The following TP53BP1 variants were observed in gnomAD, a reference collection of about 807,000 sequenced individuals.
TP53BP1 encodes tumor protein p53 binding protein 1, also known as TP53-binding protein 1.
Under a neutral mutation model 200.8 loss-of-function variants are expected in TP53BP1, and 61 were observed. The ratio of observed to expected loss-of-function variants is 0.30; its 90% CI spans 0.25 to 0.38. The LOEUF is 0.38. TP53BP1 is among the 10% of genes least tolerant of loss of function. The pLI is 1.00. For synonymous variants in TP53BP1, 822 were observed against 844.3 expected (o/e 0.97, Z 0.46); for missense variants, 2,144 against 2,371.9 (o/e 0.90, Z 2.00).
In TP53BP1 at chr15:43,435,693, A is replaced by ATT. The variant is rs11454328; in HGVS notation, c.3191+2629_3191+2630dup. On this transcript the variant is annotated intron_variant, in intron 16 of 27. Coordinates refer to ENST00000382044, the MANE Select transcript of TP53BP1 (RefSeq NM_001141980.3). Reference sequence around the variant, plus strand: ...AATTTAGAAATTATGCTACCTATTAATTTTTTTTTTTTTAATGGATAAGAC... The same window carrying ATT: ...AATTTAGAAATTATGCTACCTATTAATTTTTTTTTTTTTTTAATGGATAAGAC... 1.9e-3 allele frequency among the ~76,000 whole-genome samples: 274 copies of ATT among 147,720 alleles called. 2 individuals are homozygous for ATT. The highest frequency in any genetic ancestry group is 3.1e-3 in the Non-Finnish European group (208 of 66,684).
rs2044881323 is a variant in TP53BP1 at position 43,406,428 on chromosome 15, T to C, written c.*955A>G. On this transcript the variant is annotated 3_prime_UTR_variant, in exon 28 of 28. Transcript: ENST00000382044. The stretch of plus-strand genomic sequence containing the variant: ...CTACTGCTGTCTCTGGAGCAGGAGC[T>C]GGCAAACTATGGCCTGCTGTCTGTT... The C allele has an allele frequency of 2.9e-6, 1 of 346,936 alleles. No homozygotes were observed. The highest frequency in any genetic ancestry group is 3.7e-5 in the Admixed American group (1 of 27,396). 21.5% of individuals were successfully genotyped at this position (346,936 alleles called of 1,614,324 possible). A position where few individuals can be genotyped will look rare whatever the true frequency, so the allele number is the denominator to read the frequency against.
intron 3 of TP53BP1, 51 bp from the exon 4 acceptor site, chr15:43,491,804 T>A: frequency 7.0e-7 from 1 of 1,437,692 alleles, no homozygotes; most frequent in Non-Finnish European, 9.8e-7. Flanking sequence ...CAACAAACCT[T>A]AATACAAAAT....
chr15:43,494,232 TCTA>T (rs2079165508), upstream of TP53BP1, among the ~76,000 whole-genome samples: 1 of 152,238 alleles, frequency 6.6e-6, no homozygotes, highest in Non-Finnish European at 1.5e-5. Context: ...GTTTTCTCTT[TCTA>T]CCCCAGGCTC....
chr15:43,458,456 A>C (rs1226740634), intron 11 of TP53BP1, among the ~76,000 whole-genome samples: 1 of 151,606 alleles, frequency 6.6e-6, no homozygotes, highest in African/African-American at 2.4e-5. Flanking sequence ...AAAGCAAACT[A>C]ATGTTAAAAT....
chr15:43,490,876 A>T (rs1392994292), intron 4 of TP53BP1, among the ~76,000 whole-genome samples: 1 of 152,220 alleles, frequency 6.6e-6, no homozygotes, highest in African/African-American at 2.4e-5. Context: ...AAATAACATT[A>T]TACTATATGC....
chr15:43,457,099 C>A lies in TP53BP1; in HGVS notation c.1509G>T (p.Lys503Asn), dbSNP rs748115671. 13 of 1,614,034 alleles carry A rather than the reference C, an allele frequency of 8.1e-6. No individual in the cohort carries two copies. Among genetic ancestry groups the A allele is most frequent in the Non-Finnish European group, 7.6e-6 (9 of 1,180,040 alleles). ...ATAGCCCAAGATCCTCAGGGGAATT[C>A]TTTGGTTCAATCTCTGAAGTTTTAG... is the stretch of plus-strand genomic sequence containing the variant. ...ECSKTSEIEP[K>N]NSPEDLGLSL... The change falls in exon 12 of 28, where the codon AAG becomes AAT. Residue 503 changes from lysine to asparagine, a missense_variant. Coordinates refer to ENST00000382044, the MANE Select transcript of TP53BP1 (RefSeq NM_001141980.3).
Position 43,421,950 on chromosome 15 carries a change from T to C in TP53BP1, c.4005A>G (p.Ser1335=). ...SLSAMHSSGS[S]GKGAGPLRGK... The stretch of plus-strand genomic sequence containing the variant: ...CTCTGAGTGGTCCGGCTCCTTTCCC[T>C]GAGCTTCCACTGCTGTGCATAGCTG... The change falls in exon 19 of 28, where the codon TCA becomes TCG. Residue 1335 remains serine, a synonymous_variant. Coordinates refer to ENST00000382044, the MANE Select transcript of TP53BP1 (RefSeq NM_001141980.3). 1 of 1,614,198 alleles carries C rather than the reference T, an allele frequency of 6.2e-7. No homozygotes were observed. Among genetic ancestry groups the C allele is most frequent in the East Asian group, 2.2e-5 (1 of 44,884 alleles).
chr15:43,440,022 ATCTC>A (rs1156632148), intron 15 of TP53BP1, among the ~76,000 whole-genome samples: 1 of 152,226 alleles, frequency 6.6e-6, no homozygotes, highest in African/African-American at 2.4e-5. Flanking sequence ...TGAGGAACTA[ATCTC>A]TCTAAGACAT....
intron 4 of TP53BP1, among the ~76,000 whole-genome samples, chr15:43,482,724 C>T (rs922792823): frequency 9.9e-5 from 15 of 151,922 alleles, no homozygotes; most frequent in South Asian, 4.2e-4. Context: ...GCCAAGATCA[C>T]GCTACTGCAC....
intron 12 of TP53BP1, 62 bp from the exon 13 acceptor site, chr15:43,447,547 T>C (rs1180221930): frequency 3.0e-6 from 4 of 1,355,686 alleles, no homozygotes; most frequent in Non-Finnish European, 3.9e-6. Flanking sequence ...AAAACAGAAG[T>C]ATAAAATAAG....
chr15:43,409,822 C>T (rs768099767), intron 24 of TP53BP1, 81 bp from the exon 25 acceptor site: 548 of 623,554 alleles, frequency 8.8e-4, no homozygotes, highest in Non-Finnish European at 1.3e-3. Context: ...CTTACTGCCC[C>T]CTTTTCCACT....
chr15:43,413,923 C>A, intron 23 of TP53BP1: 1 of 350,502 alleles, frequency 2.9e-6, no homozygotes, highest in South Asian at 2.3e-5. Flanking sequence ...ATAGATGGTG[C>A]CACATCAAAA....
chr15:43,486,693 G>T (rs1469898306), intron 4 of TP53BP1, among the ~76,000 whole-genome samples: 1 of 151,770 alleles, frequency 6.6e-6, no homozygotes, highest in Non-Finnish European at 1.5e-5. Flanking sequence ...GTGCAATCAC[G>T]GCTCGCTGCA....
At chr15:43,476,994 T>C (rs996667474) in intron 8 of TP53BP1, among the ~76,000 whole-genome samples, 1 of 152,288 alleles carries the variant, frequency 6.6e-6, no homozygotes, top group African/African-American at 2.4e-5. Context: ...TTTGAAGACA[T>C]AGTAGCCATG....
intron 3 of TP53BP1, 73 bp from the exon 4 acceptor site, chr15:43,491,826 ACAATAC>A: frequency 7.7e-7 from 1 of 1,298,674 alleles, no homozygotes. Flanking sequence ...AGGAATACAG[ACAATAC>A]CAATCTAATC....
chr15:43,460,055 T>C (rs2046394237), intron 11 of TP53BP1, among the ~76,000 whole-genome samples: 1 of 152,204 alleles, frequency 6.6e-6, no homozygotes, highest in Non-Finnish European at 1.5e-5. Context: ...TACACAGCTG[T>C]ATACATTTGC....
rs963953097 is a variant in TP53BP1, at chr15:43,421,189, C to G, written c.4101-15G>C. On this transcript the variant is annotated splice_polypyrimidine_tract_variant and intron_variant, in intron 19 of 27. Coordinates refer to ENST00000382044, the MANE Select transcript of TP53BP1 (RefSeq NM_001141980.3). ...CTTTTCTAGGACTAGAGAATGAAGA[C>G]AAGTTAGTCTGATAGCACCTGCTAC... 3 of 1,613,144 alleles carry G rather than the reference C, an allele frequency of 1.9e-6. No individual in the cohort carries two copies. The highest frequency in any genetic ancestry group is 3.3e-5 in the Admixed American group (2 of 59,874).
chr15:43,423,516 G>A (rs1264621770), intron 18 of TP53BP1, among the ~76,000 whole-genome samples: 1 of 151,786 alleles, frequency 6.6e-6, no homozygotes, highest in Non-Finnish European at 1.5e-5. Flanking sequence ...AAATAGCCGG[G>A]CATGGTGGTG....
At chr15:43,412,755 T>C (rs1056684015) in intron 24 of TP53BP1, 3 of 473,044 alleles carry the variant, frequency 6.3e-6, no homozygotes, top group African/African-American at 4.0e-5. Context: ...TTGACTTGGA[T>C]GGTTGCAGTA....
Sources: allele counts gnomAD v4.1 joint callset (sites outside exome capture counted in the v4.1 genomes callset), GRCh38; gene constraint gnomAD v4.1.1; transcripts MANE v1.5; gene names NCBI Gene and HGNC (gene_info 2026-07-23, HGNC 2026-07-21).